The following FMN2 variants were observed in gnomAD, a reference collection of about 807,000 sequenced individuals.
FMN2 encodes the protein formin-2.
In FMN2, 51 loss-of-function variants were observed where a neutral mutation model predicts 142.3. The observed-to-expected ratio is 0.36, with a 90% CI of 0.29 to 0.45. FMN2 has a LOEUF of 0.45. FMN2 is among the 20% of genes least tolerant of loss of function. The pLI is 1.00. For synonymous variants in FMN2, 882 were observed against 869.8 expected (o/e 1.01, Z -0.25); for missense variants, 1,936 against 2,122.8 (o/e 0.91, Z 1.73).
rs370932484 is a variant in FMN2, at chr1:240,093,732, C to T, written c.1615+8C>T. 1.8e-5 allele frequency: 24 copies of T among 1,318,980 alleles called. No individual in the cohort carries two copies. The highest frequency in any genetic ancestry group is 2.1e-5 in the Non-Finnish European group (22 of 1,039,454). 81.7% of individuals were successfully genotyped at this position (1,318,980 alleles called of 1,614,324 possible). A position where few individuals can be genotyped will look rare whatever the true frequency, so the allele number is the denominator to read the frequency against. ...TCCAGAACGTGTTCACAGGTGAGCG[C>T]GCCCTGCTGCTGGCCTCCGGGTCTC... On this transcript the variant is annotated splice_region_variant and intron_variant, in intron 1 of 17. Coordinates refer to ENST00000319653, the MANE Select transcript of FMN2 (RefSeq NM_020066.5).
intron 2 of FMN2, among the ~76,000 whole-genome samples, chr1:240,167,702 TCATG>T (rs1361915030): frequency 1.9e-4 from 29 of 152,328 alleles, no homozygotes; most frequent in African/African-American, 7.0e-4. Flanking sequence ...AGTGTGAAGA[TCATG>T]CAATTATTTA....
chr1:240,397,370 A>ATATTCAG (rs1391226110), intron 15 of FMN2, among the ~76,000 whole-genome samples: 29 of 152,318 alleles, frequency 1.9e-4, no homozygotes, highest in African/African-American at 6.5e-4. Context: ...GTCTAGAGAC[A>ATATTCAG]GAATTCTTTC....
chr1:240,156,092 CA>C, intron 2 of FMN2, among the ~76,000 whole-genome samples: 1 of 152,010 alleles, frequency 6.6e-6, no homozygotes, highest in Middle Eastern at 3.4e-3. Context: ...ACAACAACAA[CA>C]ACAAAAAGTC....
At chr1:240,148,131 G>A (rs1376706153) in intron 2 of FMN2, among the ~76,000 whole-genome samples, 3 of 152,300 alleles carry the variant, frequency 2.0e-5, no homozygotes, top group East Asian at 3.9e-4. Flanking sequence ...CTTCTTGTGT[G>A]TAACTGAGAA....
At chr1:240,218,292 AAAAAAAAAAAAAAAAG>A (rs1257730165) in intron 6 of FMN2, among the ~76,000 whole-genome samples, 25 of 148,410 alleles carry the variant, frequency 1.7e-4, no homozygotes, top group African/African-American at 6.5e-4. Flanking sequence ...AAAAAAAAAA[AAAAAAAAAAAAAAAAG>A]ATTCTGTTGG....
intron 8 of FMN2, among the ~76,000 whole-genome samples, chr1:240,305,022 C>T (rs1182082728): frequency 6.6e-6 from 1 of 152,224 alleles, no homozygotes; most frequent in Non-Finnish European, 1.5e-5. Context: ...ACTCTGCTAT[C>T]TTCCCAGAAT....
chr1:240,404,840 T>C (rs1450654322), intron 15 of FMN2, among the ~76,000 whole-genome samples: 1 of 152,132 alleles, frequency 6.6e-6, no homozygotes, highest in Non-Finnish European at 1.5e-5. Context: ...CTGAAGTTTG[T>C]TTGTTAGCGT....
chr1:240,425,204 TGAGAGAGAGAGA>T lies in FMN2; in HGVS notation c.4911-12837_4911-12826del, dbSNP rs142399934. Among the ~76,000 whole-genome samples the T allele has an allele frequency of 3.7e-5, 5 of 134,838 alleles. No individual in the cohort carries two copies. The South Asian group carries it at 1.1e-3, about 29-fold the overall frequency. 88.5% of individuals were successfully genotyped at this position (134,838 alleles called of 152,430 possible). A position where few individuals can be genotyped will look rare whatever the true frequency, so the allele number is the denominator to read the frequency against. ...TCACTAAGCAAGGATTTGAATGAGG[TGAGAGAGAGAGA>T]GAGAGAGAGAGAGAGAGAGCCGTGA... On this transcript the variant is annotated intron_variant, in intron 15 of 17. Transcript: ENST00000319653.
chr1:240,154,994 C>T (rs1055970006), intron 2 of FMN2, among the ~76,000 whole-genome samples: 4 of 148,928 alleles, frequency 2.7e-5, no homozygotes, highest in African/African-American at 7.3e-5. Flanking sequence ...TTAAGCAATC[C>T]CCCCCCCGAC....
At chr1:240,284,306 A>T (rs1020934296) in intron 7 of FMN2, among the ~76,000 whole-genome samples, 3 of 152,158 alleles carry the variant, frequency 2.0e-5, no homozygotes, top group African/African-American at 7.2e-5. Flanking sequence ...CTAGATGCCC[A>T]TATCACTCCC....
intron 2 of FMN2, among the ~76,000 whole-genome samples, chr1:240,155,329 A>G (rs1399240215): frequency 6.6e-6 from 1 of 152,158 alleles, no homozygotes; most frequent in East Asian, 1.9e-4. Context: ...CCCAGGCTGG[A>G]GTACAGTGGT....
At chr1:240,472,543 T>C (rs1676845846) in intron 17 of FMN2, 90 bp downstream of exon 17, 2 of 826,122 alleles carry the variant, frequency 2.4e-6, no homozygotes, top group South Asian at 4.0e-5. Context: ...TTTTAATTAT[T>C]TTTCTACTAA....
chr1:240,225,202 A>T (rs1667255967), intron 6 of FMN2, among the ~76,000 whole-genome samples: 1 of 152,144 alleles, frequency 6.6e-6, no homozygotes, highest in Non-Finnish European at 1.5e-5. Context: ...CTGTGTACAT[A>T]CCCAAGGCTG....
chr1:240,315,560 T>A (rs542885265), intron 8 of FMN2, among the ~76,000 whole-genome samples: 78 of 152,322 alleles, frequency 5.1e-4, no homozygotes, highest in African/African-American at 1.7e-3. Flanking sequence ...GAATTTCTTG[T>A]TTTCTCACAT....
intron 15 of FMN2, among the ~76,000 whole-genome samples, chr1:240,437,320 G>A (rs1675420263): frequency 1.5e-5 from 2 of 137,120 alleles, no homozygotes; most frequent in Admixed American, 7.6e-5. Context: ...TTGAGACGGA[G>A]TCTGGCTCTG....
chr1:240,201,379 T>C (rs1183476901), intron 4 of FMN2, among the ~76,000 whole-genome samples: 2 of 152,346 alleles, frequency 1.3e-5, no homozygotes, highest in Admixed American at 1.3e-4. Flanking sequence ...GAGAAGGTGA[T>C]GGTGGAGAAC....
chr1:240,371,152 G>A (rs532336477), intron 14 of FMN2, among the ~76,000 whole-genome samples: 1 of 151,948 alleles, frequency 6.6e-6, no homozygotes, highest in East Asian at 1.9e-4. Flanking sequence ...TAGAGACGAG[G>A]TTTCACCATA....
At chr1:240,348,641 T>G (rs754060308) in intron 13 of FMN2, among the ~76,000 whole-genome samples, 27 of 151,236 alleles carry the variant, frequency 1.8e-4, no homozygotes, top group Non-Finnish European at 2.4e-4. Flanking sequence ...CTGAAAAGAG[T>G]CCCCAGTTGA....
rs79912482 is a variant in FMN2, at chr1:240,141,122, G to A, written c.1782+17777G>A. ...CCTGTACATTTGTTAAATGTAGTTG[G>A]GTAACAAGTATTTCTTTAACAAACT... On this transcript the variant is annotated intron_variant, in intron 2 of 17. Transcript: ENST00000319653. Among the ~76,000 whole-genome samples the A allele has an allele frequency of 9.8e-3, 1,494 of 152,204 alleles. 20 individuals carry two copies. Among genetic ancestry groups the A allele is most frequent in the African/African-American group, 0.034 (1,419 of 41,542 alleles).
Sources: gnomAD v4.1 joint callset for allele counts (sites outside exome capture counted in the v4.1 genomes callset) on GRCh38, gnomAD v4.1.1 for gene constraint, MANE v1.5 for transcripts, NCBI Gene and HGNC (gene_info 2026-07-23, HGNC 2026-07-21) for gene names.